Variants in FH observed in about 807,000 individuals in gnomAD.
FH encodes fumarate hydratase, mitochondrial.
FH carries 22 observed loss-of-function variants against 49.4 expected under a neutral mutation model. That is an observed-to-expected ratio of 0.45 (90% confidence interval 0.32 to 0.64). FH has a LOEUF of 0.64. Among genes scored for constraint, FH ranks in the 30% least tolerant of loss-of-function variants. FH has a pLI of 0.05. For missense variants in FH, 526 were observed against 641.5 expected (o/e 0.82, Z 1.95); for synonymous variants, 208 against 223.0 (o/e 0.93, Z 0.60).
chr1:241,499,213 C>T (rs1181044299), intron 9 of FH, among the ~76,000 whole-genome samples: 5 of 152,186 alleles, frequency 3.3e-5, no homozygotes, highest in African/African-American at 1.2e-4. Context: ...GGTTGTAAGG[C>T]TCACACCAAG....
At chr1:241,509,003 A>C (rs1660006185) in intron 4 of FH, among the ~76,000 whole-genome samples, 1 of 150,772 alleles carries the variant, frequency 6.6e-6, no homozygotes, top group African/African-American at 2.4e-5. Context: ...TATACACATT[A>C]AGTATACTGA....
At position 241,508,748 on chromosome 1, in the gene FH, G is replaced by C. The variant is rs1414507017; in HGVS notation, c.593C>G (p.Ala198Gly). Residue 198 changes from alanine (A) to glycine (G), a missense_variant, in exon 5 of 10, where the codon GCT becomes GGT. Physicochemically the swap from Ala to Gly is moderately conservative, Grantham distance 60 (BLOSUM62 0). Transcript: ENST00000366560. Reference protein sequence around the residue: ...NDTFPTAMHIAAAIEVHEVLL... With the variant: ...NDTFPTAMHIGAAIEVHEVLL... Reference sequence around the variant, plus strand: ...TACTTCATGAACTTCTATTGCAGCAGCAATGTGCATTGCTGTGGGAAAAGT... The same window carrying C: ...TACTTCATGAACTTCTATTGCAGCACCAATGTGCATTGCTGTGGGAAAAGT... 6.2e-7 allele frequency: 1 copy of C among 1,613,840 alleles called. No homozygotes were observed. The highest frequency in any genetic ancestry group is 8.5e-7 in the Non-Finnish European group (1 of 1,179,824).
At position 241,508,797 on chromosome 1, in the gene FH, T is replaced by G. The variant is rs1282569432; in HGVS notation, c.556-12A>C. ...GTATCATTTGAGCTCTGTTGGAAAT[T>G]TTTCAAAAGAAATATAAAATGTTAA... On this transcript the variant is annotated splice_polypyrimidine_tract_variant and intron_variant, in intron 4 of 9. Transcript: ENST00000366560. The G allele has an allele frequency of 1.9e-6, 3 of 1,610,898 alleles. No individual in the cohort carries two copies. The East Asian group carries it at 6.7e-5, about 36-fold the overall frequency.
At chr1:241,503,330 A>G (rs1659828799) in intron 7 of FH, among the ~76,000 whole-genome samples, 1 of 152,234 alleles carries the variant, frequency 6.6e-6, no homozygotes, top group African/African-American at 2.4e-5. Context: ...ATAAAAATCT[A>G]GAGTCAGGCC....
intron 8 of FH, among the ~76,000 whole-genome samples, chr1:241,501,348 T>C (rs1207709201): frequency 6.6e-6 from 1 of 152,196 alleles, no homozygotes; most frequent in Admixed American, 6.5e-5. Flanking sequence ...ATATTGATTA[T>C]CTTTATTTTA....
chr1:241,498,130 A>G (rs1023007656), intron 9 of FH, among the ~76,000 whole-genome samples, 160 bp from the exon 10 acceptor site: 21 of 152,146 alleles, frequency 1.4e-4, no homozygotes, highest in Non-Finnish European at 2.8e-4. Context: ...CTCAATAATC[A>G]TTTTTTATGT....
At chr1:241,513,053 G>A (rs933268493) in intron 3 of FH, among the ~76,000 whole-genome samples, 1 of 151,920 alleles carries the variant, frequency 6.6e-6, no homozygotes, top group Admixed American at 6.6e-5. Flanking sequence ...CTTTGTGCAT[G>A]CCAATCTTCA....
At chr1:241,500,194 A>G (rs1160663923) in intron 9 of FH, among the ~76,000 whole-genome samples, 2 of 152,164 alleles carry the variant, frequency 1.3e-5, no homozygotes, top group Non-Finnish European at 2.9e-5. Flanking sequence ...AATAAGTTTG[A>G]ACTACTACTT....
intron 4 of FH, among the ~76,000 whole-genome samples, chr1:241,511,402 C>T (rs186931910): frequency 7.4e-4 from 113 of 152,266 alleles, no homozygotes; most frequent in African/African-American, 2.6e-3. Flanking sequence ...TTTATTACTG[C>T]AGCCCCAAAG....
At chr1:241,519,278 T>C (rs1660302889) in intron 1 of FH, 1 of 319,284 alleles carries the variant, frequency 3.1e-6, no homozygotes, top group African/African-American at 2.2e-5. Context: ...GCAGCGAAGT[T>C]ACCTCAAAAC....
chr1:241,508,087 T>C (rs557583375), intron 5 of FH, among the ~76,000 whole-genome samples: 6 of 152,218 alleles, frequency 3.9e-5, no homozygotes, highest in Non-Finnish European at 7.3e-5. Flanking sequence ...CACTTTGAGA[T>C]TAAATTTTAA....
chr1:241,511,951 A>C lies in FH; in HGVS notation c.555+16T>G, dbSNP rs1233800962. On this transcript the variant is annotated intron_variant, in intron 4 of 9. Transcript: ENST00000366560. The stretch of plus-strand genomic sequence containing the variant: ...TTCAATTTATAACCAAAAAACAGCA[A>C]AGCTCACATACTGACCTGGCTTTTA... 1 of 1,613,492 alleles carries C rather than the reference A, an allele frequency of 6.2e-7. No individual in the cohort carries two copies. The highest frequency in any genetic ancestry group is 8.5e-7 in the Non-Finnish European group (1 of 1,179,590).
intron 7 of FH, 63 bp downstream of exon 7, chr1:241,503,964 GAGAGACATGGTCCAT>G: frequency 7.1e-7 from 1 of 1,405,136 alleles, no homozygotes; most frequent in Non-Finnish European, 9.9e-7. Flanking sequence ...TTTAAACAAA[GAGAGACATGGTCCAT>G]AGCTAAGAAT....
Position 241,517,215 on chromosome 1 carries a change from G to A in FH, c.234C>T (p.Asn78=). 1 of 1,614,084 alleles carries A rather than the reference G, an allele frequency of 6.2e-7. No individual in the cohort carries two copies. The highest frequency in any genetic ancestry group is 8.5e-7 in the Non-Finnish European group (1 of 1,180,030). Residue 78 remains asparagine (N), a synonymous_variant, in exon 2 of 10, where the codon AAC becomes AAT. Coordinates refer to ENST00000366560, the MANE Select transcript of FH (RefSeq NM_000143.4). ...YGAQTVRSTM[N]FKIGGVTERM... ...GTTCTGTCACACCTCCAATCTTAAA[G>A]TTCATCGTAGATCTCACGGTCTGGG...
At chr1:241,509,296 T>A (rs931634007) in intron 4 of FH, among the ~76,000 whole-genome samples, 1 of 152,124 alleles carries the variant, frequency 6.6e-6, no homozygotes, top group African/African-American at 2.4e-5. Flanking sequence ...CAGTCTTTCA[T>A]AAACAGCTCT....
rs780200136 is a variant in FH, at chr1:241,497,918, G to C, written c.1443C>G (p.Thr481=). Residue 481 remains threonine, a synonymous_variant, in exon 10 of 10, where the codon ACC becomes ACG. Transcript: ENST00000366560. ...IAKTAHKNGS[T]LKETAIELGY... ...CAAGTTCGATAGCAGTTTCCTTTAA[G>C]GTTGATCCATTTTTGTGTGCTGTCT... 3 of 1,613,696 alleles carry C rather than the reference G, an allele frequency of 1.9e-6. No homozygotes were observed. The East Asian group carries it at 6.7e-5, about 36-fold the overall frequency.
At position 241,504,237 on chromosome 1, in the gene FH, A is replaced by G. The variant is rs989876911; in HGVS notation, c.913T>C (p.Phe305Leu). Reference protein sequence around the residue: ...AKVAALTGLPFVTAPNKFEAL... With the variant: ...AKVAALTGLPLVTAPNKFEAL... Reference sequence around the variant, plus strand: ...TCAAATTTATTCGGAGCAGTGACAAAAGGCAAGCCTAAAGAAAAGAAAAAT... The same window carrying G: ...TCAAATTTATTCGGAGCAGTGACAAGAGGCAAGCCTAAAGAAAAGAAAAAT... Residue 305 changes from phenylalanine (F) to leucine (L), a missense_variant, in exon 7 of 10, where the codon TTT becomes CTT. Coordinates refer to ENST00000366560, the MANE Select transcript of FH (RefSeq NM_000143.4). The G allele has an allele frequency of 1.2e-6, 2 of 1,614,140 alleles. No individual in the cohort carries two copies. The highest frequency in any genetic ancestry group is 1.7e-6 in the Non-Finnish European group (2 of 1,179,994).
At chr1:241,510,359 A>G (rs1486314765) in intron 4 of FH, among the ~76,000 whole-genome samples, 1 of 152,210 alleles carries the variant, frequency 6.6e-6, no homozygotes, top group African/African-American at 2.4e-5. Flanking sequence ...TGGCATGCCT[A>G]AAAGGACACA....
chr1:241,503,369 G>T (rs1332458955), intron 7 of FH, among the ~76,000 whole-genome samples: 1 of 152,192 alleles, frequency 6.6e-6, no homozygotes, highest in South Asian at 2.1e-4. Context: ...TACATTGTCA[G>T]TTTTAGCCCA....
Sources: allele counts gnomAD v4.1 joint callset (sites outside exome capture counted in the v4.1 genomes callset), GRCh38; gene constraint gnomAD v4.1.1; transcripts MANE v1.5; gene names NCBI Gene and HGNC (gene_info 2026-07-23, HGNC 2026-07-21).